The following VWDE variants were observed in gnomAD, a reference collection of about 807,000 sequenced individuals.
VWDE encodes the protein von Willebrand factor D and EGF domains, also known as von Willebrand factor D and EGF domain-containing protein.
Under a neutral mutation model 178.4 loss-of-function variants are expected in VWDE, and 207 were observed. That is an observed-to-expected ratio of 1.16 (90% CI 1.04 to 1.30). VWDE has a LOEUF of 1.30. Ranked by LOEUF, VWDE falls within the 50% of genes most tolerant of loss-of-function variation. VWDE has a pLI of 0.00. For synonymous variants in VWDE, 738 were observed against 651.4 expected, an observed-to-expected ratio of 1.13 and a Z score of -2.02; for missense variants, 2,287 against 1,901.3, an observed-to-expected ratio of 1.20 and a Z score of -3.77.
intron 2 of VWDE, among the ~76,000 whole-genome samples, chr7:12,392,928 A>G (rs1299822612): frequency 1.3e-5 from 2 of 152,150 alleles, no homozygotes; most frequent in African/African-American, 4.8e-5. Flanking sequence ...AAAGAAAAAA[A>G]GGTATGCTGG....
intron 19 of VWDE, among the ~76,000 whole-genome samples, 154 bp from the exon 20 acceptor site, chr7:12,344,623 C>A (rs1298177776): frequency 1.3e-5 from 2 of 152,130 alleles, no homozygotes; most frequent in African/African-American, 4.8e-5. Context: ...AATACTCCAA[C>A]AACTCTCTTG....
Position 12,356,290 on chromosome 7 carries a change from C to T in VWDE, c.3566G>A (p.Cys1189Tyr), listed in dbSNP as rs1357583000. 1.3e-6 allele frequency: 2 copies of T among 1,551,500 alleles called. No homozygotes were observed. Among genetic ancestry groups the T allele is most frequent in the Admixed American group, 3.9e-5 (2 of 50,992 alleles). The change falls in exon 18 of 29, where the codon TGT (cysteine) becomes TAT (tyrosine). Residue 1189 changes from cysteine (C) to tyrosine (Y), a missense_variant. Cys to Tyr is a radical substitution (Grantham distance 194). Transcript: ENST00000275358. ...KSCDCLNGGS[C>Y]VSDRNFSPGS... ...TGGAGAAAAGTTCCTATCAGATACA[C>T]ATGATCCACCATTCAAGCAATCACA...
chr7:12,356,096 G>A lies in VWDE; in HGVS notation c.3745+15C>T. Reference sequence around the variant, plus strand: ...AGCTTTTCTTTCTAATTTGTTATGAGGAGCAAAATCTTACCTTTGAGCTCA... The same window carrying A: ...AGCTTTTCTTTCTAATTTGTTATGAAGAGCAAAATCTTACCTTTGAGCTCA... On this transcript the variant is annotated intron_variant, in intron 18 of 28. Transcript: ENST00000275358. 2 of 1,546,948 alleles carry A rather than the reference G, an allele frequency of 1.3e-6. No homozygotes were observed. Among genetic ancestry groups the A allele is most frequent in the Non-Finnish European group, 1.7e-6 (2 of 1,144,162 alleles).
intron 16 of VWDE, among the ~76,000 whole-genome samples, chr7:12,358,497 C>T (rs1461191077): frequency 1.3e-5 from 2 of 152,128 alleles, no homozygotes; most frequent in South Asian, 2.1e-4. Context: ...TTCCAGCCCA[C>T]TGGCTTAACA....
chr7:12,396,645 C>T (rs922957388), intron 1 of VWDE, among the ~76,000 whole-genome samples: 7 of 152,050 alleles, frequency 4.6e-5, no homozygotes, highest in Admixed American at 6.6e-5. Context: ...TGGTGACTCA[C>T]GCCTATAATT....
chr7:12,350,910 CT>C lies in VWDE; in HGVS notation c.3886+662del, dbSNP rs541591338. ...AAATAAGAATAGCAGACAAAACCCC[CT>C]ATTTGCAAAAAACAATTATTGTCTG... is the stretch of plus-strand genomic sequence containing the variant. On this transcript the variant is annotated intron_variant, in intron 19 of 28. Transcript: ENST00000275358. 1.7e-3 allele frequency among the ~76,000 whole-genome samples: 253 copies of C among 152,126 alleles called. 1 individual carries two copies. Among genetic ancestry groups the C allele is most frequent in the African/African-American group, 5.9e-3 (244 of 41,514 alleles).
rs912291242 is a variant in VWDE at position 12,359,563 on chromosome 7, T to G, written c.3274+15A>C. On this transcript the variant is annotated intron_variant, in intron 16 of 28. Coordinates refer to ENST00000275358, the MANE Select transcript of VWDE (RefSeq NM_001135924.3). ...CTTGTATAGGAAATATTTGGATTAA[T>G]AAAGAGTAACTTACTTTCTAAAAAT... The G allele has an allele frequency of 8.8e-6, 13 of 1,481,744 alleles. No homozygotes were observed. The South Asian group carries it at 1.1e-4, about 13-fold the overall frequency. The allele number at this position is 1,481,744 out of a possible 1,614,324, so 91.8% of individuals were successfully genotyped here. A position where few individuals can be genotyped will look rare whatever the true frequency, so the allele number is the denominator to read the frequency against.
chr7:12,343,438 A>G (rs1367080272), intron 21 of VWDE, among the ~76,000 whole-genome samples: 1 of 152,170 alleles, frequency 6.6e-6, no homozygotes, highest in Non-Finnish European at 1.5e-5. Context: ...TCTTCTGAAA[A>G]GTGAGATTTG....
chr7:12,379,687 A>G (rs1783733497), intron 5 of VWDE, 121 bp from the exon 6 acceptor site: 1 of 599,602 alleles, frequency 1.7e-6, no homozygotes, highest in Non-Finnish European at 2.6e-6. Context: ...TAATAAAAGA[A>G]TTAAATAATT....
intron 16 of VWDE, among the ~76,000 whole-genome samples, chr7:12,357,771 T>C (rs1782341110): frequency 6.6e-6 from 1 of 152,044 alleles, no homozygotes; most frequent in Non-Finnish European, 1.5e-5. Context: ...GCACAGAATA[T>C]ATAAATACCC....
In VWDE at chr7:12,357,308, C is replaced by T. The variant is rs535562656; in HGVS notation, c.3482G>A (p.Arg1161His). ...DLLTTQQITV[R>H]LNDDCDAETR... The stretch of plus-strand genomic sequence containing the variant: ...TTCAGCATCGCAGTCATCATTAAGG[C>T]GTACAGTAATTTGTTGGGTAGTTAG... The change falls in exon 17 of 29, where the codon CGC becomes CAC. Residue 1161 changes from arginine to histidine, a missense_variant. Coordinates refer to ENST00000275358, the MANE Select transcript of VWDE (RefSeq NM_001135924.3). 182 of 1,552,228 alleles carry T rather than the reference C, an allele frequency of 1.2e-4. 1 individual carries two copies. In the South Asian group the frequency reaches 2.0e-3, roughly 17 times the overall value.
In VWDE at chr7:12,351,762, C is replaced by G. The variant is rs956055112; in HGVS notation, c.3746-49G>C. 3.4e-6 allele frequency: 5 copies of G among 1,455,600 alleles called. No homozygotes were observed. In the Admixed American group the frequency reaches 1.2e-4, roughly 36 times the overall value. 90.2% of individuals were successfully genotyped at this position (1,455,600 alleles called of 1,614,324 possible). On this transcript the variant is annotated intron_variant, in intron 18 of 28. Transcript: ENST00000275358. ...AGATTAGACTTAAACTATTAGACAACCAAAGCACCACAAATAAGAATATAC... is the reference window on the plus strand; with the variant it reads ...AGATTAGACTTAAACTATTAGACAAGCAAAGCACCACAAATAAGAATATAC...
At chr7:12,396,466 C>A (rs1405255307) in intron 1 of VWDE, among the ~76,000 whole-genome samples, 2 of 152,058 alleles carry the variant, frequency 1.3e-5, no homozygotes, top group Non-Finnish European at 2.9e-5. Context: ...TTTTTTTAGT[C>A]TTTAAAATCT....
chr7:12,340,820 TG>T (rs1415664846), intron 23 of VWDE, among the ~76,000 whole-genome samples: 1 of 152,210 alleles, frequency 6.6e-6, no homozygotes, highest in African/African-American at 2.4e-5. Flanking sequence ...CAGGATGGTT[TG>T]TAATCTGTTC....
At chr7:12,361,330 T>A in intron 14 of VWDE, 36 bp downstream of exon 14, 1 of 1,541,036 alleles carries the variant, frequency 6.5e-7, no homozygotes, top group Non-Finnish European at 8.8e-7. Flanking sequence ...GTATTTACTT[T>A]GTTTATAAAT....
At chr7:12,361,577 T>C in intron 13 of VWDE, 56 bp from the exon 14 acceptor site, 1 of 1,428,846 alleles carries the variant, frequency 7.0e-7, no homozygotes, top group Non-Finnish European at 9.3e-7. Flanking sequence ...AATATTTTGT[T>C]AGTAAATTAC....
At chr7:12,403,171 T>C (rs1784991786) in intron 1 of VWDE, among the ~76,000 whole-genome samples, 1 of 152,158 alleles carries the variant, frequency 6.6e-6, no homozygotes, top group African/African-American at 2.4e-5. Context: ...TACAGTATAA[T>C]ACGGATATAC....
At chr7:12,348,683 C>T (rs917752187) in intron 19 of VWDE, among the ~76,000 whole-genome samples, 15 of 148,368 alleles carry the variant, frequency 1.0e-4, no homozygotes, top group Admixed American at 3.3e-4. Flanking sequence ...CCTCAGGGAT[C>T]TAGAACTAGA....
rs1027468797 is a variant in VWDE, at chr7:12,344,443, T to G, written c.3913A>C (p.Ser1305Arg). 2.4e-4 allele frequency: 366 copies of G among 1,550,022 alleles called. No individual in the cohort carries two copies. Among genetic ancestry groups the G allele is most frequent in the Non-Finnish European group, 3.0e-4 (344 of 1,146,248 alleles). The change falls in exon 20 of 29, where the codon AGT becomes CGT. Residue 1305 changes from serine to arginine, a missense_variant. Ser to Arg is a moderately radical substitution (Grantham distance 110). Coordinates refer to ENST00000275358, the MANE Select transcript of VWDE (RefSeq NM_001135924.3). ...ATGTTTGGGGCAACACACTCCCTAC[T>G]TTTTCCACATGGATATTTACAAATG... is the stretch of plus-strand genomic sequence containing the variant. ...FTICKYPCGK[S>R]RECVAPNICK...
Sources: gnomAD v4.1 joint callset for allele counts (sites outside exome capture counted in the v4.1 genomes callset) on GRCh38, gnomAD v4.1.1 for gene constraint, MANE v1.5 for transcripts, NCBI Gene and HGNC (gene_info 2026-07-23, HGNC 2026-07-21) for gene names.